SYNM: variants seen among roughly 807,000 people sequenced by gnomAD.
SYNM encodes synemin.
Under a neutral mutation model 104.0 loss-of-function variants are expected in SYNM, and 95 were observed. That is an observed-to-expected ratio of 0.91 (90% confidence interval 0.77 to 1.08). The LOEUF (loss-of-function observed/expected upper bound fraction) is 1.08. Ranked by LOEUF, SYNM falls within the 50% of genes least tolerant of loss-of-function variation. The pLI, the probability that SYNM is intolerant of heterozygous loss-of-function variation, is 0.00. For missense variants in SYNM, 2,150 were observed against 2,052.2 expected, an observed-to-expected ratio of 1.05 and a Z score of -0.92; for synonymous variants, 918 against 869.0, an observed-to-expected ratio of 1.06 and a Z score of -0.99.
intron 2 of SYNM, among the ~76,000 whole-genome samples, chr15:99,115,104 C>T (rs527818695): frequency 6.6e-6 from 1 of 152,242 alleles, no homozygotes; most frequent in South Asian, 2.1e-4. Context: ...GGGGCAGAGC[C>T]AGCCAGGTCT....
In SYNM at chr15:99,131,359, T is replaced by C. The variant is rs1392431450; in HGVS notation, c.2999T>C (p.Val1000Ala). 1.2e-6 allele frequency: 2 copies of C among 1,613,192 alleles called. No homozygotes were observed. The highest frequency in any genetic ancestry group is 2.7e-5 in the African/African-American group (2 of 74,890). ...GCTGGTGGCAGTTCCGTGACCCTGG[T>C]TGCTGAAGTCAACGTCTCACAAACT... ...QGAGGSSVTL[V>A]AEVNVSQTVD... Residue 1000 changes from valine to alanine, a missense_variant, in exon 4 of 4, where the codon GTT becomes GCT. By Grantham distance (64) the Val-to-Ala change is moderately conservative (BLOSUM62 0). Transcript: ENST00000336292. The surrounding 1 kb of genome is among the most constrained non-coding windows in gnomAD (Gnocchi z 4.3).
chr15:99,105,560 C>T lies in SYNM; in HGVS notation c.361C>T (p.Gln121Ter). 2 of 1,184,286 alleles carry T rather than the reference C, an allele frequency of 1.7e-6. No individual in the cohort carries two copies. The highest frequency in any genetic ancestry group is 2.1e-6 in the Non-Finnish European group (2 of 960,412). 73.4% of individuals were successfully genotyped at this position (1,184,286 alleles called of 1,614,324 possible). A position where few individuals can be genotyped will look rare whatever the true frequency, so the allele number is the denominator to read the frequency against. ...GCTGGGTGCGCAGCAGCGCGAGCTG[C>T]AGGAGGCGCTGGGCGCGCGCGCCGC... Reference protein sequence around the residue: ...AELGAQQRELQEALGARAALE... With the variant: ...AELGAQQREL Residue 121 changes from glutamine (Q) to a stop codon, truncating the protein, a stop_gained, in exon 1 of 4, where the codon CAG becomes TAG. Transcript: ENST00000336292. LOFTEE classifies it high-confidence loss of function.
At chr15:99,139,372 C>T (rs372933023), downstream of SYNM, 1 of 1,613,928 alleles carries the variant, frequency 6.2e-7, no homozygotes, top group Non-Finnish European at 8.5e-7. Flanking sequence ...TCCTGCGGTC[C>T]ATATAAGAGG....
chr15:99,122,797 C>T (rs1190494739), intron 2 of SYNM, among the ~76,000 whole-genome samples: 1 of 152,194 alleles, frequency 6.6e-6, no homozygotes, highest in East Asian at 1.9e-4. Flanking sequence ...TGAGATGGCA[C>T]CACTGCACTC....
downstream of SYNM, among the ~76,000 whole-genome samples, chr15:99,138,575 G>A (rs1555488361): frequency 6.6e-6 from 1 of 152,162 alleles, no homozygotes; most frequent in African/African-American, 2.4e-5. Flanking sequence ...GGCCTCCCAA[G>A]GTGCTGGGAT....
In SYNM at chr15:99,132,859, C is replaced by T; in HGVS notation, c.4499C>T (p.Ala1500Val). Residue 1500 changes from alanine to valine, a missense_variant, in exon 4 of 4, where the codon GCA (alanine) becomes GTA (valine). By Grantham distance (64) the Ala-to-Val change is moderately conservative. Coordinates refer to ENST00000336292, the MANE Select transcript of SYNM (RefSeq NM_145728.3). ...WRDADSRNDQ[A>V]VGVSFKASAG... ...GACGCGGACAGTAGGAATGACCAGG[C>T]AGTTGGTGTGAGCTTTAAGGCCTCT... is the stretch of plus-strand genomic sequence containing the variant. 6.2e-7 allele frequency: 1 copy of T among 1,613,890 alleles called. No homozygotes were observed.
intron 1 of SYNM, among the ~76,000 whole-genome samples, chr15:99,107,975 GTTTTGGTTTTGGT>G (rs2067265513): frequency 1.3e-5 from 2 of 149,052 alleles, no homozygotes; most frequent in African/African-American, 5.0e-5. Context: ...TTTGGTTTTG[GTTTTGGTTTTGGT>G]TTTTTGAGAC....
At chr15:99,126,621 T>A (rs1196683126) in intron 2 of SYNM, 101 bp from the exon 3 acceptor site, 2 of 1,156,140 alleles carry the variant, frequency 1.7e-6, no homozygotes, top group African/African-American at 3.1e-5. Context: ...CTAAAACAGG[T>A]GACACTATGG....
rs1164346776 is a variant in SYNM, at chr15:99,133,780, T to C, written c.*722T>C. The C allele has an allele frequency of 6.5e-6, 1 of 153,156 alleles. No individual in the cohort carries two copies. Among genetic ancestry groups the C allele is most frequent in the South Asian group, 2.1e-4 (1 of 4,846 alleles). 9.5% of individuals were successfully genotyped at this position (153,156 alleles called of 1,614,324 possible). A position where few individuals can be genotyped will look rare whatever the true frequency, so the allele number is the denominator to read the frequency against. ...AGGGTAGATGATTATTGGGAATCGC[T>C]TACAGTACCATTTCATTTTTTGGCA... On this transcript the variant is annotated 3_prime_UTR_variant, in exon 4 of 4. Transcript: ENST00000336292.
At chr15:99,139,332 ATGGCCTGCTGGG>A (rs1567301246), downstream of SYNM, 1 of 1,613,508 alleles carries the variant, frequency 6.2e-7, no homozygotes. Context: ...CAGCATGCCC[ATGGCCTGCTGGG>A]TGGCCAGAGT....
At chr15:99,107,216 T>C (rs797032510) in intron 1 of SYNM, among the ~76,000 whole-genome samples, 3 of 152,352 alleles carry the variant, frequency 2.0e-5, no homozygotes, top group African/African-American at 7.2e-5. Flanking sequence ...CTTGGGGCTT[T>C]GCCATAGCTA....
intron 2 of SYNM, among the ~76,000 whole-genome samples, chr15:99,123,302 G>GT (rs1228353805): frequency 0.04 from 2,781 of 69,832 alleles, 76 homozygotes; most frequent in Admixed American, 0.13. Context: ...TTGATTATCT[G>GT]GTTTTTTTTT....
Position 99,131,113 on chromosome 15 carries a change from C to T in SYNM, c.2753C>T (p.Ala918Val), listed in dbSNP as rs868982301. ...KEQARSGEFH[A>V]EPTVIEKEIK... Reference sequence around the variant, plus strand: ...CAAGCTAGAAGCGGTGAATTTCATGCCGAACCCACAGTCATTGAAAAAGAA... The same window carrying T: ...CAAGCTAGAAGCGGTGAATTTCATGTCGAACCCACAGTCATTGAAAAAGAA... The change falls in exon 4 of 4, where the codon GCC becomes GTC. Residue 918 changes from alanine to valine, a missense_variant. Coordinates refer to ENST00000336292, the MANE Select transcript of SYNM (RefSeq NM_145728.3). This position sits in a 1 kb window ranked among gnomAD's most constrained non-coding sequence, Gnocchi z 4.3. The T allele has an allele frequency of 1.2e-6, 2 of 1,601,156 alleles. No individual in the cohort carries two copies. Among genetic ancestry groups the T allele is most frequent in the Non-Finnish European group, 1.7e-6 (2 of 1,173,708 alleles).
rs1444675634 is a variant in SYNM at position 99,120,711 on chromosome 15, C to A, written c.936-6011C>A. ...GAACCTGAAGAGCTGCAAAAGACTCCAGCACGAGGCTTCTGGTGATGGGGA... is the reference window on the plus strand; with the variant it reads ...GAACCTGAAGAGCTGCAAAAGACTCAAGCACGAGGCTTCTGGTGATGGGGA... On this transcript the variant is annotated intron_variant, in intron 2 of 3. Coordinates refer to ENST00000336292, the MANE Select transcript of SYNM (RefSeq NM_145728.3). Among the ~76,000 whole-genome samples, 3 of 152,196 alleles carry A rather than the reference C, an allele frequency of 2.0e-5. No homozygotes were observed. In the South Asian group the frequency reaches 6.2e-4, roughly 32 times the overall value.
downstream of SYNM, among the ~76,000 whole-genome samples, chr15:99,135,869 G>T (rs115044102): frequency 4.2e-4 from 64 of 152,300 alleles, no homozygotes; most frequent in African/African-American, 1.4e-3. Flanking sequence ...CATCATCACA[G>T]CCTGAATGAC....
chr15:99,107,963 G>T (rs1172189331), intron 1 of SYNM, among the ~76,000 whole-genome samples: 14 of 57,214 alleles, frequency 2.4e-4, no homozygotes, highest in African/African-American at 1.3e-3. Context: ...TTTTTTTTTG[G>T]TTTTGGTTTT....
Position 99,121,856 on chromosome 15 carries a change from A to G in SYNM, c.936-4866A>G, listed in dbSNP as rs572400884. On this transcript the variant is annotated intron_variant, in intron 2 of 3. Coordinates refer to ENST00000336292, the MANE Select transcript of SYNM (RefSeq NM_145728.3). Reference sequence around the variant, plus strand: ...AGGATGCAGAAACAGTGTGCGTGACATGAGGCCCATCCTAGGTTTCTGGTC... The same window carrying G: ...AGGATGCAGAAACAGTGTGCGTGACGTGAGGCCCATCCTAGGTTTCTGGTC... 3.0e-4 allele frequency among the ~76,000 whole-genome samples: 45 copies of G among 152,368 alleles called. No individual in the cohort carries two copies. In the South Asian group the frequency reaches 3.9e-3, roughly 13 times the overall value.
intron 2 of SYNM, among the ~76,000 whole-genome samples, chr15:99,118,110 C>T (rs1239029166): frequency 2.0e-5 from 3 of 152,298 alleles, no homozygotes; most frequent in Non-Finnish European, 2.9e-5. Context: ...GCAGGCCTCC[C>T]GCCTCTGTGC....
At chr15:99,107,247 C>A (rs1405529313) in intron 1 of SYNM, among the ~76,000 whole-genome samples, 2 of 152,172 alleles carry the variant, frequency 1.3e-5, no homozygotes, top group African/African-American at 4.8e-5. Context: ...AGGGACTGAC[C>A]CAGTGTGTAC....
Sources: gnomAD v4.1 joint callset for allele counts (sites outside exome capture counted in the v4.1 genomes callset) on GRCh38, gnomAD v4.1.1 for gene constraint, Gnocchi (gnomAD v3.1) non-coding constraint, MANE v1.5 for transcripts, NCBI Gene and HGNC (gene_info 2026-07-23, HGNC 2026-07-21) for gene names.